TLN2: variants seen among roughly 807,000 people sequenced by gnomAD.
TLN2 encodes the protein talin-2.
In TLN2, 118 loss-of-function variants were observed where a neutral mutation model predicts 294.7. The observed-to-expected ratio is 0.40, with a 90% CI of 0.34 to 0.47. The LOEUF is 0.47. Among genes scored for constraint, TLN2 ranks in the 20% least tolerant of loss-of-function variants. The pLI is 0.84. For missense variants in TLN2, 3,083 were observed against 3,282.2 expected (o/e 0.94, Z 1.48); for synonymous variants, 1,431 against 1,304.5 (o/e 1.10, Z -2.09).
intron 1 of TLN2, among the ~76,000 whole-genome samples, chr15:62,426,469 T>C (rs1351944321): frequency 6.6e-6 from 1 of 152,158 alleles, no homozygotes; most frequent in Non-Finnish European, 1.5e-5. Context: ...CTGTGGGCTT[T>C]AACTGGCAGG....
At chr15:62,743,845 G>A (rs1037053817) in intron 32 of TLN2, among the ~76,000 whole-genome samples, 25 of 152,146 alleles carry the variant, frequency 1.6e-4, no homozygotes, top group African/African-American at 3.4e-4. Context: ...TCACACCCCC[G>A]GGCCAGGTTT....
intron 32 of TLN2, 145 bp from the exon 33 acceptor site, chr15:62,748,206 T>A: frequency 3.2e-6 from 2 of 627,988 alleles, no homozygotes; most frequent in East Asian, 2.7e-5. Flanking sequence ...TATTTTTGGT[T>A]GTGTAGAGCC....
chr15:62,530,663 A>T (rs74908692), intron 1 of TLN2, among the ~76,000 whole-genome samples: 2 of 152,228 alleles, frequency 1.3e-5, no homozygotes, highest in Non-Finnish European at 2.9e-5. Flanking sequence ...CCCTAGAAAT[A>T]CAAATTTAAA....
At chr15:62,817,932 C>T (rs911243595) in intron 52 of TLN2, among the ~76,000 whole-genome samples, 1 of 150,504 alleles carries the variant, frequency 6.6e-6, no homozygotes, top group African/African-American at 2.5e-5. Flanking sequence ...GCCTCAACCT[C>T]CTGAATAGCT....
chr15:62,709,653 G>C lies in TLN2; in HGVS notation c.2467+857G>C, dbSNP rs188791273. ...TGAAAAGTAAGTCTCCCCAAACCCA[G>C]CTTACCACTGTGCCATCAAAATTCC... is the stretch of plus-strand genomic sequence containing the variant. On this transcript the variant is annotated intron_variant, in intron 21 of 58. Transcript: ENST00000636159. Among the ~76,000 whole-genome samples, 267 of 152,198 alleles carry C rather than the reference G, an allele frequency of 1.8e-3. 3 individuals are homozygous for C. Among genetic ancestry groups the C allele is most frequent in the Non-Finnish European group, 1.4e-3 (96 of 67,996 alleles).
chr15:62,646,709 C>G (rs2051896695), intron 3 of TLN2, among the ~76,000 whole-genome samples: 1 of 152,110 alleles, frequency 6.6e-6, no homozygotes, highest in Non-Finnish European at 1.5e-5. Flanking sequence ...GAAATTGAGG[C>G]AGAGTGGCCA....
intron 9 of TLN2, among the ~76,000 whole-genome samples, chr15:62,673,039 C>T (rs949317985): frequency 8.2e-5 from 12 of 146,538 alleles, no homozygotes; most frequent in African/African-American, 2.3e-4. Flanking sequence ...TATGTAACAT[C>T]CTACTTATAT....
intron 11 of TLN2, among the ~76,000 whole-genome samples, chr15:62,686,344 G>T (rs980324860): frequency 3.9e-5 from 6 of 152,118 alleles, no homozygotes; most frequent in Non-Finnish European, 7.4e-5. Context: ...TTTTTCTCTG[G>T]ATGTCTTTTC....
rs2065471677 is a variant in TLN2 at position 62,796,299 on chromosome 15, TG to T, written c.6050+11del. 1 of 1,610,864 alleles carries T rather than the reference TG, an allele frequency of 6.2e-7. No homozygotes were observed. Among genetic ancestry groups the T allele is most frequent in the Admixed American group, 1.7e-5 (1 of 59,654 alleles). On this transcript the variant is annotated splice_region_variant and intron_variant, in intron 47 of 58. Coordinates refer to ENST00000636159, the MANE Select transcript of TLN2 (RefSeq NM_015059.3). ...GAGACCTTCGCAGACCACAGGTACG[TG>T]GGGGTCCTGGACGGGGAGAGGTTCA...
chr15:62,835,957 G>T lies in TLN2; in HGVS notation c.7258G>T (p.Ala2420Ser). ...EAANASVQGH[A>S]SEEKLISSAK... is the part of the protein sequence containing the mutation. The stretch of plus-strand genomic sequence containing the variant: ...GGCCAATGCCTCCGTTCAGGGACAC[G>T]CCAGCGAGGAGAAGCTCATCTCATC... Residue 2420 changes from alanine (A) to serine (S), a missense_variant, in exon 57 of 59, where the codon GCC becomes TCC. Coordinates refer to ENST00000636159, the MANE Select transcript of TLN2 (RefSeq NM_015059.3). The T allele has an allele frequency of 6.2e-7, 1 of 1,614,152 alleles. No individual in the cohort carries two copies. The highest frequency in any genetic ancestry group is 1.7e-5 in the Admixed American group (1 of 60,032).
intron 3 of TLN2, among the ~76,000 whole-genome samples, chr15:62,620,502 C>CTT (rs137871004): frequency 7.3e-6 from 1 of 136,714 alleles, no homozygotes; most frequent in Non-Finnish European, 1.6e-5. Flanking sequence ...TTCTTTCTTT[C>CTT]TTTTTTTTTT....
chr15:62,567,975 CT>C (rs1230803824), intron 1 of TLN2, among the ~76,000 whole-genome samples: 2 of 152,202 alleles, frequency 1.3e-5, no homozygotes, highest in African/African-American at 4.8e-5. Context: ...CCCGTTCCCC[CT>C]GTAATCTGTA....
chr15:62,657,832 G>T lies in TLN2; in HGVS notation c.722G>T (p.Gly241Val). 6.2e-7 allele frequency: 1 copy of T among 1,613,912 alleles called. No homozygotes were observed. Among genetic ancestry groups the T allele is most frequent in the African/African-American group, 1.3e-5 (1 of 75,036 alleles). ...TCCTTCGAGAAAGCTTGTGAGTTTG[G>T]TGGATTTCAAGCCCAGATACAATTT... ...PVSFEKACEF[G>V]GFQAQIQFGP... The change falls in exon 9 of 59, where the codon GGT (glycine) becomes GTT (valine). Residue 241 changes from glycine (G) to valine (V), a missense_variant. By Grantham distance (109) the Gly-to-Val change is moderately radical. Transcript: ENST00000636159.
At chr15:62,594,186 T>TA (rs1300710161) in intron 2 of TLN2, among the ~76,000 whole-genome samples, 1 of 152,164 alleles carries the variant, frequency 6.6e-6, no homozygotes, top group South Asian at 2.1e-4. Context: ...TCCACACAGT[T>TA]ACGGTCAATT....
intron 42 of TLN2, 130 bp from the exon 43 acceptor site, chr15:62,776,634 A>T: frequency 1.1e-6 from 1 of 904,902 alleles, no homozygotes; most frequent in Non-Finnish European, 1.5e-6. Flanking sequence ...AAAGAAAGGG[A>T]AGAAATAGAA....
chr15:62,598,056 C>G (rs375891266), intron 2 of TLN2, among the ~76,000 whole-genome samples: 7 of 152,246 alleles, frequency 4.6e-5, no homozygotes, highest in African/African-American at 1.7e-4. Flanking sequence ...GGGGCAGTGG[C>G]CTGATCTATA....
At chr15:62,512,097 C>T (rs1228123237) in intron 1 of TLN2, among the ~76,000 whole-genome samples, 1 of 152,190 alleles carries the variant, frequency 6.6e-6, no homozygotes, top group African/African-American at 2.4e-5. Flanking sequence ...AGCTGCTGTC[C>T]TGGGTCACAG....
intron 54 of TLN2, among the ~76,000 whole-genome samples, chr15:62,821,341 C>G (rs907940569): frequency 1.3e-5 from 2 of 152,218 alleles, no homozygotes; most frequent in African/African-American, 4.8e-5. Flanking sequence ...GTTTTTCTTC[C>G]TATTCAAGTA....
chr15:62,599,559 C>T (rs1475732281), intron 2 of TLN2, among the ~76,000 whole-genome samples: 2 of 152,190 alleles, frequency 1.3e-5, no homozygotes, highest in African/African-American at 4.8e-5. Context: ...AAATTTAAAT[C>T]TGAGGCAGAC....
Sources: allele counts gnomAD v4.1 joint callset (sites outside exome capture counted in the v4.1 genomes callset), GRCh38; gene constraint gnomAD v4.1.1; transcripts MANE v1.5; gene names NCBI Gene and HGNC (gene_info 2026-07-23, HGNC 2026-07-21).